The following FANCA variants were observed in gnomAD, a reference collection of about 807,000 sequenced individuals.
FANCA encodes Fanconi anemia group A protein.
Under a neutral mutation model 194.3 loss-of-function variants are expected in FANCA, and 236 were observed. The observed-to-expected ratio is 1.21, with a 90% CI of 1.09 to 1.35. The LOEUF (loss-of-function observed/expected upper bound fraction) is 1.35. Among genes scored for constraint, FANCA ranks in the 40% most tolerant of loss-of-function variants. The pLI is 0.00. For missense variants in FANCA, 2,628 were observed against 1,813.9 expected (o/e 1.45, Z -8.15); for synonymous variants, 1,014 against 715.8 (o/e 1.42, Z -6.65).
At chr16:89,740,485 A>G in intron 38 of FANCA, 1 of 463,296 alleles carries the variant, frequency 2.2e-6, no homozygotes, top group Non-Finnish European at 3.9e-6. Flanking sequence ...AAATACAAAA[A>G]TTAGCCGGGT....
chr16:89,769,963 T>C lies in FANCA; in HGVS notation c.2378A>G (p.Glu793Gly). 1.2e-6 allele frequency: 2 copies of C among 1,613,976 alleles called. No individual in the cohort carries two copies. Among genetic ancestry groups the C allele is most frequent in the Non-Finnish European group, 1.7e-6 (2 of 1,179,996 alleles). The change falls in exon 26 of 43, where the codon GAG (glutamate) becomes GGG (glycine). Residue 793 changes from glutamate (E) to glycine (G), a missense_variant. By Grantham distance (98) the Glu-to-Gly change is moderately conservative. Transcript: ENST00000389301. ...CACCTCTGGGAGCGCAGACCTGGAC[T>C]CACCCAGGTGCACGGCCAGGGCAGC... ...GLAALAVHLG[E>G]SRSALPEVDV... is the part of the protein sequence containing the mutation.
intron 33 of FANCA, among the ~76,000 whole-genome samples, chr16:89,748,190 G>C (rs55706358): frequency 1.3e-5 from 2 of 152,354 alleles, no homozygotes; most frequent in African/African-American, 4.8e-5. Context: ...ACGGGCGTGA[G>C]CCACCGCACC....
chr16:89,764,852 G>A (rs772351649), intron 28 of FANCA, 38 bp downstream of exon 28: 41 of 1,608,456 alleles, frequency 2.5e-5, no homozygotes, highest in Non-Finnish European at 3.2e-5. Context: ...CCTAGACTCA[G>A]GACGTGGCAT....
Position 89,737,928 on chromosome 16 carries a change from T to G in FANCA, c.*673A>C. The G allele has an allele frequency of 1.7e-5, 11 of 629,258 alleles. No individual in the cohort carries two copies. The highest frequency in any genetic ancestry group is 2.2e-5 in the Non-Finnish European group (11 of 498,582). 39.0% of individuals were successfully genotyped at this position (629,258 alleles called of 1,614,324 possible). On this transcript the variant is annotated 3_prime_UTR_variant, in exon 43 of 43. Transcript: ENST00000389301. ...GCAGTAAGTGTGAGTCAGGACCCCCTCCCAGGGCTGTGGCCCTCGCACCTT... is the reference window on the plus strand; with the variant it reads ...GCAGTAAGTGTGAGTCAGGACCCCCGCCCAGGGCTGTGGCCCTCGCACCTT...
At chr16:89,781,904 G>GA (rs10628873) in intron 17 of FANCA, among the ~76,000 whole-genome samples, 2 of 148,704 alleles carry the variant, frequency 1.3e-5, no homozygotes, top group Non-Finnish European at 3.0e-5. Flanking sequence ...CTACTCGGGA[G>GA]GCTGAGGCAG....
At chr16:89,801,958 C>T (rs1315518154) in intron 8 of FANCA, among the ~76,000 whole-genome samples, 3 of 152,022 alleles carry the variant, frequency 2.0e-5, no homozygotes, top group South Asian at 2.1e-4. Context: ...ACTGGGCTTA[C>T]AGCCAAAGGA....
chr16:89,748,657 A>C lies in FANCA; in HGVS notation c.3348+2T>G, dbSNP rs1483121850. On this transcript the variant is annotated splice_donor_variant, in intron 33 of 42. Coordinates refer to ENST00000389301, the MANE Select transcript of FANCA (RefSeq NM_000135.4). LOFTEE classifies it high-confidence loss of function. ...ACGGACACGTGCACACGGGGCACCT[A>C]CCATCTCAGAGTTGACCAAGTGGAA... 6.2e-7 allele frequency: 1 copy of C among 1,611,800 alleles called. No homozygotes were observed. The highest frequency in any genetic ancestry group is 8.5e-7 in the Non-Finnish European group (1 of 1,178,054).
rs1158456786 is a variant in FANCA, at chr16:89,815,938, A to C, written c.128T>G (p.Leu43Ter). ...CAGGAGGCGCACAGCTGATTCCTTT[A>C]ATTTCTGTGCCCTTTCAGGATTATA... is the stretch of plus-strand genomic sequence containing the variant. Reference protein sequence around the residue: ...EKYNPERAQKLKESAVRLLRS... With the variant: ...EKYNPERAQK The change falls in exon 2 of 43, where the codon TTA (leucine) becomes TGA (stop). Residue 43 changes from leucine (L) to a stop codon, truncating the protein, a stop_gained. Coordinates refer to ENST00000389301, the MANE Select transcript of FANCA (RefSeq NM_000135.4). LOFTEE classifies it high-confidence loss of function. The C allele has an allele frequency of 6.2e-7, 1 of 1,614,090 alleles. No homozygotes were observed. The highest frequency in any genetic ancestry group is 8.5e-7 in the Non-Finnish European group (1 of 1,179,976).
chr16:89,799,912 T>A (rs1356688116), intron 8 of FANCA, among the ~76,000 whole-genome samples: 1 of 152,098 alleles, frequency 6.6e-6, no homozygotes, highest in African/African-American at 2.4e-5. Context: ...GAGAATGGCG[T>A]GAACCCGGGA....
intron 34 of FANCA, 44 bp downstream of exon 34, chr16:89,746,787 G>A (rs1253416477): frequency 7.0e-6 from 11 of 1,579,376 alleles, no homozygotes; most frequent in South Asian, 5.7e-5. Flanking sequence ...ATCCACCCAC[G>A]GCGTTCTGAG....
At chr16:89,782,246 G>T (rs551664266) in intron 17 of FANCA, among the ~76,000 whole-genome samples, 10 of 146,868 alleles carry the variant, frequency 6.8e-5, no homozygotes, top group Admixed American at 3.4e-4. Flanking sequence ...GCGTGGTGGC[G>T]GGCGCCTGTA....
At chr16:89,745,773 C>G (rs1333683756) in intron 35 of FANCA, among the ~76,000 whole-genome samples, 1 of 150,236 alleles carries the variant, frequency 6.7e-6, no homozygotes, top group Non-Finnish European at 1.5e-5. Flanking sequence ...GGGAACGAAA[C>G]AGTGAAGGGA....
chr16:89,800,643 C>T (rs1489316477), intron 8 of FANCA, among the ~76,000 whole-genome samples: 1 of 152,218 alleles, frequency 6.6e-6, no homozygotes, highest in Admixed American at 6.5e-5. Flanking sequence ...AGAAATCACA[C>T]TGCCTGAGGT....
At chr16:89,805,447 G>T in intron 6 of FANCA, 55 bp from the exon 7 acceptor site, 1 of 1,431,958 alleles carries the variant, frequency 7.0e-7, no homozygotes, top group Non-Finnish European at 9.8e-7. Context: ...ATCATCAGGG[G>T]ATTGAGTTGA....
chr16:89,799,603 A>C lies in FANCA; in HGVS notation c.826+2T>G. The C allele has an allele frequency of 6.2e-7, 1 of 1,613,368 alleles. No homozygotes were observed. The highest frequency in any genetic ancestry group is 8.5e-7 in the Non-Finnish European group (1 of 1,179,296). ...GTCTGGGCTGCAGTGCAATTAACTT[A>C]CAAATCAGCATTCTCTGCAGTACAT... On this transcript the variant is annotated splice_donor_variant, in intron 9 of 42. Transcript: ENST00000389301. LOFTEE classifies it high-confidence loss of function.
rs868209851 is a variant in FANCA, at chr16:89,810,718, A to G, written c.511T>C (p.Trp171Arg). ...FSRLSFCQELWKIQSSLLLEA... is the reference protein window; with the variant it reads ...FSRLSFCQELRKIQSSLLLEA... ...AATCTCAAATTTACCTGTATTTTCC[A>G]TAATTCTTGACAGAAGGAAAGACGG... The change falls in exon 5 of 43, where the codon TGG (tryptophan) becomes CGG (arginine). Residue 171 changes from tryptophan (W) to arginine (R), a missense_variant. By Grantham distance (101) the Trp-to-Arg change is moderately radical. Coordinates refer to ENST00000389301, the MANE Select transcript of FANCA (RefSeq NM_000135.4). 5 of 1,607,092 alleles carry G rather than the reference A, an allele frequency of 3.1e-6. No individual in the cohort carries two copies. Among genetic ancestry groups the G allele is most frequent in the Non-Finnish European group, 3.4e-6 (4 of 1,173,686 alleles).
intron 14 of FANCA, among the ~76,000 whole-genome samples, chr16:89,785,692 C>G (rs1185310526): frequency 6.6e-6 from 1 of 152,092 alleles, no homozygotes; most frequent in Non-Finnish European, 1.5e-5. Flanking sequence ...GAACACTGAA[C>G]CGCTTACCTG....
chr16:89,779,873 C>A lies in FANCA; in HGVS notation c.1711G>T (p.Ala571Ser). The change falls in exon 18 of 43, where the codon GCC becomes TCC. Residue 571 changes from alanine (A) to serine (S), a missense_variant. Transcript: ENST00000389301. ...CTTTTCGGCAGCCCAGCCTACCTGGCCTCCATGACGGTGACTGGGATGTTC... is the reference window on the plus strand; with the variant it reads ...CTTTTCGGCAGCCCAGCCTACCTGGACTCCATGACGGTGACTGGGATGTTC... ...TGNIPVTVME[A>S]SIFRRPYYVS... The A allele has an allele frequency of 6.2e-7, 1 of 1,613,592 alleles. No homozygotes were observed. The highest frequency in any genetic ancestry group is 8.5e-7 in the Non-Finnish European group (1 of 1,179,962).
chr16:89,770,425 G>A, intron 24 of FANCA, 139 bp downstream of exon 24: 1 of 1,022,838 alleles, frequency 9.8e-7, no homozygotes, highest in Non-Finnish European at 1.5e-6. Context: ...AACTTCTGCT[G>A]CGTCCTATTT....
Sources: gnomAD v4.1 joint callset for allele counts (sites outside exome capture counted in the v4.1 genomes callset) on GRCh38, gnomAD v4.1.1 for gene constraint, MANE v1.5 for transcripts, NCBI Gene and HGNC (gene_info 2026-07-23, HGNC 2026-07-21) for gene names.